GNPTAB: variants seen among roughly 807,000 people sequenced by gnomAD.
The protein encoded by GNPTAB is N-acetylglucosamine-1-phosphate transferase subunits alpha and beta, also known as N-acetylglucosamine-1-phosphotransferase subunits alpha/beta.
Under a neutral mutation model 136.6 loss-of-function variants are expected in GNPTAB, and 92 were observed. The ratio of observed to expected loss-of-function variants is 0.67; its 90% CI spans 0.57 to 0.80. The LOEUF (loss-of-function observed/expected upper bound fraction) is 0.80, where lower values mean the gene tolerates loss of function less well. Ranked by LOEUF, GNPTAB falls within the 30% of genes least tolerant of loss-of-function variation. GNPTAB has a pLI of 0.00. For synonymous variants in GNPTAB, 512 were observed against 535.1 expected (o/e 0.96, Z 0.60); for missense variants, 1,343 against 1,501.8 (o/e 0.89, Z 1.75).
intron 4 of GNPTAB, 36 bp from the exon 5 acceptor site, chr12:101,786,253 CTTGAAAT>C: frequency 6.5e-7 from 1 of 1,529,170 alleles, no homozygotes. Flanking sequence ...CAATTACATT[CTTGAAAT>C]TTAATCAGCA....
At position 101,764,857 on chromosome 12, in the gene GNPTAB, C is replaced by T. The variant is rs1473761205; in HGVS notation, c.2060G>A (p.Arg687Lys). 6.2e-7 allele frequency: 1 copy of T among 1,614,140 alleles called. No homozygotes were observed. The highest frequency in any genetic ancestry group is 1.7e-5 in the Admixed American group (1 of 60,018). ...KFKRHDVNSTRRAQEEVKIPL... is the reference protein window; with the variant it reads ...KFKRHDVNSTKRAQEEVKIPL... ...AATTTTCACCTCTTCCTGGGCTCTC[C>T]TTGTTGAGTTAACATCATGTCTCTT... The change falls in exon 13 of 21, where the codon AGG (arginine) becomes AAG (lysine). Residue 687 changes from arginine (R) to lysine (K), a missense_variant. Coordinates refer to ENST00000299314, the MANE Select transcript of GNPTAB (RefSeq NM_024312.5).
Position 101,770,310 on chromosome 12 carries a change from G to A in GNPTAB, c.1113+96C>T, listed in dbSNP as rs569559425. Reference sequence around the variant, plus strand: ...CTAGAGAAAGGAAGAAATGGAGGTAGAAGGGTAAAGGGAATGAAATTATGG... The same window carrying A: ...CTAGAGAAAGGAAGAAATGGAGGTAAAAGGGTAAAGGGAATGAAATTATGG... On this transcript the variant is annotated intron_variant, in intron 9 of 20. Transcript: ENST00000299314. The A allele has an allele frequency of 1.1e-5, 15 of 1,360,692 alleles. No homozygotes were observed. The African/African-American group carries it at 2.0e-4, about 18-fold the overall frequency. The allele number at this position is 1,360,692 out of a possible 1,614,324, so 84.3% of individuals were successfully genotyped here. A position where few individuals can be genotyped will look rare whatever the true frequency, so the allele number is the denominator to read the frequency against.
chr12:101,749,454 A>C (rs1952784387), intron 19 of GNPTAB, among the ~76,000 whole-genome samples: 1 of 152,196 alleles, frequency 6.6e-6, no homozygotes, highest in Non-Finnish European at 1.5e-5. Flanking sequence ...CTGGCACTTA[A>C]ACAAAACCAC....
In GNPTAB at chr12:101,780,203, T is replaced by G. The variant is rs1439827133; in HGVS notation, c.720A>C (p.Thr240=). 6 of 1,613,622 alleles carry G rather than the reference T, an allele frequency of 3.7e-6. No homozygotes were observed. Among genetic ancestry groups the G allele is most frequent in the Non-Finnish European group, 5.1e-6 (6 of 1,179,602 alleles). Reference sequence around the variant, plus strand: ...CTGGCAATTTTGTTTTTAGTTGATTTGTTTCCTTGAATGTTGGTGGAAATC... The same window carrying G: ...CTGGCAATTTTGTTTTTAGTTGATTGGTTTCCTTGAATGTTGGTGGAAATC... ...LSGFPPTFKE[T]NQLKTKLPEN... is the part of the protein sequence containing the mutation. The change falls in exon 7 of 21, where the codon ACA becomes ACC. Residue 240 remains threonine, a synonymous_variant. Coordinates refer to ENST00000299314, the MANE Select transcript of GNPTAB (RefSeq NM_024312.5).
chr12:101,757,128 T>A, intron 18 of GNPTAB, 84 bp downstream of exon 18: 1 of 784,482 alleles, frequency 1.3e-6, no homozygotes, highest in Admixed American at 2.0e-5. Context: ...GTCTGTTCCA[T>A]ACAGAAATAA....
intron 2 of GNPTAB, among the ~76,000 whole-genome samples, chr12:101,792,312 G>C (rs1398312000): frequency 2.0e-5 from 3 of 152,132 alleles, no homozygotes; most frequent in Non-Finnish European, 4.4e-5. Flanking sequence ...GGGGAGAGAG[G>C]AAATGGAAGA....
At chr12:101,766,570 G>A (rs1182923461) in intron 11 of GNPTAB, among the ~76,000 whole-genome samples, 2 of 152,132 alleles carry the variant, frequency 1.3e-5, no homozygotes, top group Non-Finnish European at 2.9e-5. Flanking sequence ...CCCGGGAGGC[G>A]GAGGTTGCAC....
Position 101,796,730 on chromosome 12 carries a change from A to G in GNPTAB, c.150T>C (p.His50=), listed in dbSNP as rs1441210167. The change falls in exon 2 of 21, where the codon CAT becomes CAC. Residue 50 remains histidine (H), a synonymous_variant. Transcript: ENST00000299314. ...TGTCTCTATAGGAATCAAACAAAACATGGTATTGATCTCGGCTCCATTCCA... is the reference window on the plus strand; with the variant it reads ...TGTCTCTATAGGAATCAAACAAAACGTGGTATTGATCTCGGCTCCATTCCA... ...VVLEWSRDQY[H]VLFDSYRDNI... The G allele has an allele frequency of 6.2e-7, 1 of 1,613,100 alleles. No individual in the cohort carries two copies. The highest frequency in any genetic ancestry group is 8.5e-7 in the Non-Finnish European group (1 of 1,179,254).
intron 5 of GNPTAB, among the ~76,000 whole-genome samples, chr12:101,781,253 T>G (rs1395008102): frequency 3.9e-5 from 6 of 152,114 alleles, no homozygotes; most frequent in African/African-American, 1.4e-4. Context: ...TCAGGGATTG[T>G]GGAAAACAAA....
At chr12:101,794,229 C>T (rs1869152730) in intron 2 of GNPTAB, among the ~76,000 whole-genome samples, 1 of 152,198 alleles carries the variant, frequency 6.6e-6, no homozygotes, top group South Asian at 2.1e-4. Flanking sequence ...CCACATTTTA[C>T]AGATGACAAA....
At chr12:101,776,304 A>T (rs1342752749) in intron 7 of GNPTAB, among the ~76,000 whole-genome samples, 1 of 152,256 alleles carries the variant, frequency 6.6e-6, no homozygotes, top group African/African-American at 2.4e-5. Flanking sequence ...ATTTAGAGGG[A>T]TCTGAAAATA....
intron 1 of GNPTAB, among the ~76,000 whole-genome samples, chr12:101,806,729 C>A (rs1381015602): frequency 2.0e-5 from 3 of 151,936 alleles, no homozygotes; most frequent in Non-Finnish European, 4.4e-5. Flanking sequence ...ACTCAAAAAA[C>A]GAGAGAGGTC....
At chr12:101,815,089 C>G (rs2137179835) in intron 1 of GNPTAB, among the ~76,000 whole-genome samples, 1 of 152,298 alleles carries the variant, frequency 6.6e-6, no homozygotes, top group Non-Finnish European at 1.5e-5. Flanking sequence ...TTTATTGAGA[C>G]AGGGTCTCAT....
chr12:101,769,735 C>CA (rs1953142701), intron 10 of GNPTAB, among the ~76,000 whole-genome samples: 2 of 151,832 alleles, frequency 1.3e-5, no homozygotes, highest in Admixed American at 1.3e-4. Context: ...CTACTCCCCC[C>CA]ACGGCCCCCC....
chr12:101,772,278 A>C (rs916523866), intron 7 of GNPTAB, among the ~76,000 whole-genome samples: 2 of 152,226 alleles, frequency 1.3e-5, no homozygotes, highest in Non-Finnish European at 2.9e-5. Flanking sequence ...GTGCTTCTAA[A>C]AGAGCTTACG....
At chr12:101,811,864 C>T (rs1870254648) in intron 1 of GNPTAB, among the ~76,000 whole-genome samples, 1 of 149,222 alleles carries the variant, frequency 6.7e-6, no homozygotes, top group African/African-American at 2.4e-5. Context: ...GCCTCGAACT[C>T]CCGACCTCAG....
At chr12:101,761,541 A>C in intron 14 of GNPTAB, 23 bp downstream of exon 14, 1 of 1,607,018 alleles carries the variant, frequency 6.2e-7, no homozygotes, top group East Asian at 2.2e-5. Context: ...CAAGCAAACA[A>C]CTCAAACACG....
chr12:101,783,088 T>C (rs1868435806), intron 5 of GNPTAB, among the ~76,000 whole-genome samples: 1 of 151,890 alleles, frequency 6.6e-6, no homozygotes, highest in Admixed American at 6.6e-5. Context: ...AATCTACTTA[T>C]TTATCGTGTT....
Position 101,800,526 on chromosome 12 carries a change from TGGAG to T in GNPTAB, c.118-3768_118-3765del, listed in dbSNP as rs1869555582. 2.1e-5 allele frequency among the ~76,000 whole-genome samples: 3 copies of T among 141,392 alleles called. No individual in the cohort carries two copies. The East Asian group carries it at 6.2e-4, about 29-fold the overall frequency. 92.8% of individuals were successfully genotyped at this position (141,392 alleles called of 152,430 possible). On this transcript the variant is annotated intron_variant, in intron 1 of 20. Coordinates refer to ENST00000299314, the MANE Select transcript of GNPTAB (RefSeq NM_024312.5). ...GTAATCCCAGCACTTTGGGAGGTCG[TGGAG>T]GGAGGATCACTTGAGGTCAGGAGTT...
Sources: allele counts gnomAD v4.1 joint callset (sites outside exome capture counted in the v4.1 genomes callset), GRCh38; gene constraint gnomAD v4.1.1; transcripts MANE v1.5; gene names NCBI Gene and HGNC (gene_info 2026-07-23, HGNC 2026-07-21).